ARHGAP39: variants seen among roughly 807,000 people sequenced by gnomAD.
The protein encoded by ARHGAP39 is Rho GTPase activating protein 39.
A neutral mutation model predicts 106.9 loss-of-function variants in ARHGAP39; 44 were observed. The observed-to-expected ratio is 0.41, with a 90% confidence interval of 0.32 to 0.53. The LOEUF (loss-of-function observed/expected upper bound fraction) is 0.53. Ranked by LOEUF, ARHGAP39 falls within the 20% of genes least tolerant of loss-of-function variation. The pLI is 0.21. For missense variants in ARHGAP39, 1,496 were observed against 1,577.3 expected, an observed-to-expected ratio of 0.95 and a Z score of 0.87; for synonymous variants, 768 against 693.2, an observed-to-expected ratio of 1.11 and a Z score of -1.69.
chr8:144,684,647 G>A lies in ARHGAP39; in HGVS notation c.-82+1039C>T, dbSNP rs1411622790. Among the ~76,000 whole-genome samples, 1 of 152,154 alleles carries A rather than the reference G, an allele frequency of 6.6e-6. No individual in the cohort carries two copies. The highest frequency in any genetic ancestry group is 1.5e-5 in the Non-Finnish European group (1 of 68,008). Reference sequence around the variant, plus strand: ...GGCTGCACGTTTTAAAATAAAAAACGTCCTGGGCCCCAAAATGCACAGCCC... The same window carrying A: ...GGCTGCACGTTTTAAAATAAAAAACATCCTGGGCCCCAAAATGCACAGCCC... On this transcript the variant is annotated intron_variant, in intron 1 of 11. Transcript: ENST00000377307. The surrounding 1 kb of genome is among the most constrained non-coding windows in gnomAD (Gnocchi z 4.4).
intron 6 of ARHGAP39, among the ~76,000 whole-genome samples, chr8:144,542,465 G>C (rs1473454807): frequency 2.6e-5 from 4 of 152,146 alleles, no homozygotes; most frequent in Admixed American, 1.3e-4. Context: ...CCTCACCGAG[G>C]GTCCCTAGGC....
chr8:144,608,886 AT>A (rs751062066), intron 1 of ARHGAP39, among the ~76,000 whole-genome samples: 3 of 152,212 alleles, frequency 2.0e-5, no homozygotes, highest in Admixed American at 6.5e-5. Context: ...ACAGAAAAAA[AT>A]GTTATTTGTT....
At chr8:144,555,509 G>A (rs1461293306) in intron 4 of ARHGAP39, 51 bp downstream of exon 4, 4 of 1,518,292 alleles carry the variant, frequency 2.6e-6, no homozygotes, top group Non-Finnish European at 3.7e-6. Context: ...CTGGCTCACT[G>A]AGGAAGCCGC....
chr8:144,591,880 C>A lies in ARHGAP39; in HGVS notation c.81-10603G>T, dbSNP rs1442650055. On this transcript the variant is annotated intron_variant, in intron 2 of 11. Coordinates refer to ENST00000377307, the MANE Select transcript of ARHGAP39 (RefSeq NM_025251.3). This position sits in a 1 kb window ranked among gnomAD's most constrained non-coding sequence, Gnocchi z 5.3. ...GGCGGCGTCGCCTCGTCGCCTCGTGCCTGCGGGGAGTGCTGCCTGTGGGGA... is the reference window on the plus strand; with the variant it reads ...GGCGGCGTCGCCTCGTCGCCTCGTGACTGCGGGGAGTGCTGCCTGTGGGGA... 5.9e-5 allele frequency among the ~76,000 whole-genome samples: 9 copies of A among 152,116 alleles called. No homozygotes were observed. Among genetic ancestry groups the A allele is most frequent in the Admixed American group, 5.9e-4 (9 of 15,274 alleles).
At chr8:144,540,445 A>C (rs1399956445) in intron 6 of ARHGAP39, among the ~76,000 whole-genome samples, 1 of 152,158 alleles carries the variant, frequency 6.6e-6, no homozygotes, top group Admixed American at 6.5e-5. Flanking sequence ...TAAATAAATA[A>C]ATACATGCAA....
At chr8:144,559,239 G>A (rs184769549) in intron 3 of ARHGAP39, among the ~76,000 whole-genome samples, 2 of 151,138 alleles carry the variant, frequency 1.3e-5, no homozygotes, top group Non-Finnish European at 2.9e-5. Context: ...AAAACTAGCC[G>A]GAAGGGTGAC....
At chr8:144,541,971 G>GTTT (rs59286612) in intron 6 of ARHGAP39, among the ~76,000 whole-genome samples, 1 of 146,868 alleles carries the variant, frequency 6.8e-6, no homozygotes, top group African/African-American at 2.5e-5. Flanking sequence ...TCCTTTCTGG[G>GTTT]TTTTTTTTTT....
intron 2 of ARHGAP39, among the ~76,000 whole-genome samples, chr8:144,597,058 C>T (rs1334827019): frequency 6.6e-6 from 1 of 152,232 alleles, no homozygotes; most frequent in African/African-American, 2.4e-5. Flanking sequence ...TGCGGGAACT[C>T]CCTCTGGGCC....
chr8:144,681,834 G>A (rs868457098), intron 1 of ARHGAP39, among the ~76,000 whole-genome samples: 8 of 152,162 alleles, frequency 5.3e-5, no homozygotes, highest in Non-Finnish European at 8.8e-5. Context: ...CCTAATCTTT[G>A]TGTCACACAA....
the ARHGAP39 span, among the ~76,000 whole-genome samples, chr8:144,695,794 ACG>A: frequency 6.6e-6 from 1 of 152,202 alleles, no homozygotes; most frequent in African/African-American, 2.4e-5. Flanking sequence ...AAGGTGATAG[ACG>A]CGGGTCGTTG....
At chr8:144,592,661 G>A (rs1443071429) in intron 2 of ARHGAP39, among the ~76,000 whole-genome samples, 1 of 151,290 alleles carries the variant, frequency 6.6e-6, no homozygotes, top group Non-Finnish European at 1.5e-5. Context: ...GAAACCTGAG[G>A]GCACCTCCTG....
chr8:144,628,450 C>G (rs1820980497), intron 1 of ARHGAP39, among the ~76,000 whole-genome samples: 1 of 152,152 alleles, frequency 6.6e-6, no homozygotes, highest in Non-Finnish European at 1.5e-5. Flanking sequence ...TCCGGAGTGG[C>G]ATGCCAAGTC....
intron 1 of ARHGAP39, among the ~76,000 whole-genome samples, chr8:144,618,974 G>C (rs1263139794): frequency 6.6e-6 from 1 of 152,180 alleles, no homozygotes; most frequent in Non-Finnish European, 1.5e-5. Context: ...TGCAGACGTG[G>C]GGCCCCCAGG....
the ARHGAP39 span, among the ~76,000 whole-genome samples, chr8:144,696,611 T>G: frequency 6.6e-5 from 10 of 152,166 alleles, no homozygotes. Context: ...TCCTAAATTT[T>G]CACTAAGATT....
rs186906103 is a variant in ARHGAP39, at chr8:144,641,828, T to C, written c.-81-36133A>G. Among the ~76,000 whole-genome samples the C allele has an allele frequency of 2.0e-5, 3 of 152,274 alleles. No individual in the cohort carries two copies. The East Asian group carries it at 5.8e-4, about 29-fold the overall frequency. ...CATGCAAGGAGAGGGGGACATCCCATCACAGTGCAGCCACGAGGAGGAGGG... is the reference window on the plus strand; with the variant it reads ...CATGCAAGGAGAGGGGGACATCCCACCACAGTGCAGCCACGAGGAGGAGGG... On this transcript the variant is annotated intron_variant, in intron 1 of 11. Coordinates refer to ENST00000377307, the MANE Select transcript of ARHGAP39 (RefSeq NM_025251.3). The surrounding 1 kb of genome is among the most constrained non-coding windows in gnomAD (Gnocchi z 5.2).
intron 1 of ARHGAP39, among the ~76,000 whole-genome samples, chr8:144,672,887 G>A (rs1300157226): frequency 6.6e-6 from 1 of 152,122 alleles, no homozygotes; most frequent in Non-Finnish European, 1.5e-5. Context: ...TCTTCTGCAC[G>A]GAGACCAGTG....
chr8:144,649,735 C>CA (rs1390626189), intron 1 of ARHGAP39, among the ~76,000 whole-genome samples: 1 of 151,820 alleles, frequency 6.6e-6, no homozygotes, highest in Non-Finnish European at 1.5e-5. Context: ...GAGACCAACT[C>CA]AAAAAATAAA....
chr8:144,632,384 T>C (rs529637109), intron 1 of ARHGAP39, among the ~76,000 whole-genome samples: 1 of 152,346 alleles, frequency 6.6e-6, no homozygotes, highest in African/African-American at 2.4e-5. Context: ...CCAGCCGCAC[T>C]GGAGCAGCCT....
chr8:144,575,245 A>G (rs185280171), intron 3 of ARHGAP39, among the ~76,000 whole-genome samples: 4 of 152,290 alleles, frequency 2.6e-5, no homozygotes, highest in African/African-American at 9.6e-5. Flanking sequence ...CTAACTTGAC[A>G]ACCCTGTACA....
Sources: gnomAD v4.1 joint callset for allele counts (sites outside exome capture counted in the v4.1 genomes callset) on GRCh38, gnomAD v4.1.1 for gene constraint, Gnocchi (gnomAD v3.1) non-coding constraint, MANE v1.5 for transcripts, NCBI Gene and HGNC (gene_info 2026-07-23, HGNC 2026-07-21) for gene names.